The following DISP1 variants were observed in gnomAD, a reference collection of about 807,000 sequenced individuals.
The protein encoded by DISP1 is dispatched RND transporter family member 1.
A neutral mutation model predicts 37.3 loss-of-function variants in DISP1; 30 were observed. That is an observed-to-expected ratio of 0.80 (90% CI 0.60 to 1.09). The LOEUF (loss-of-function observed/expected upper bound fraction) is 1.09. Ranked by LOEUF, DISP1 falls within the 50% of genes least tolerant of loss-of-function variation. The probability of loss-of-function intolerance (pLI) is 0.00; values close to 1 mark genes in which losing one functional copy is unlikely to be tolerated. For synonymous variants in DISP1, 634 were observed against 690.2 expected, an observed-to-expected ratio of 0.92 and a Z score of 1.28; for missense variants, 1,598 against 1,879.5, an observed-to-expected ratio of 0.85 and a Z score of 2.77.
rs150397024 is a variant in DISP1 at position 222,945,425 on chromosome 1, A to T, written c.509+2093A>T. 4.0e-3 allele frequency among the ~76,000 whole-genome samples: 612 copies of T among 152,366 alleles called. 11 individuals carry two copies. The highest frequency in any genetic ancestry group is 0.017 in the East Asian group (88 of 5,194). On this transcript the variant is annotated intron_variant, in intron 3 of 8. Transcript: ENST00000675850. ...ATATTGATGTTTCAAATAATAAATT[A>T]TATGGTTGCAAAGTATGAAATAAGA...
At chr1:222,931,242 A>G (rs1673372349) in intron 2 of DISP1, among the ~76,000 whole-genome samples, 1 of 151,410 alleles carries the variant, frequency 6.6e-6, no homozygotes, top group Non-Finnish European at 1.5e-5. Flanking sequence ...TTGCCTAACA[A>G]TGTGTGGGAG....
chr1:222,942,306 G>C (rs1674444050), intron 2 of DISP1, among the ~76,000 whole-genome samples: 1 of 152,034 alleles, frequency 6.6e-6, no homozygotes, highest in Non-Finnish European at 1.5e-5. Flanking sequence ...ATATATTCTT[G>C]AGATTTTTCT....
chr1:222,882,869 A>C (rs755455421), intron 1 of DISP1, among the ~76,000 whole-genome samples: 12 of 152,180 alleles, frequency 7.9e-5, no homozygotes, highest in Non-Finnish European at 1.6e-4. Context: ...ACACTGAAAA[A>C]ATATTAAAAA....
Position 223,004,308 on chromosome 1 carries a change from C to T in DISP1, c.2911C>T (p.Leu971=), listed in dbSNP as rs773811407. 23 of 1,614,050 alleles carry T rather than the reference C, an allele frequency of 1.4e-5. No individual in the cohort carries two copies. The highest frequency in any genetic ancestry group is 5.9e-6 in the Non-Finnish European group (7 of 1,180,034). The change falls in exon 9 of 9, where the codon CTG becomes TTG. Residue 971 remains leucine, a synonymous_variant. Transcript: ENST00000675850. This position sits in a 1 kb window ranked among gnomAD's most constrained non-coding sequence, Gnocchi z 4.9. ...GLSNGWFVSN[L]EFYDLQDSLS... is the part of the protein sequence containing the mutation. ...CAGCAATGGTTGGTTTGTCAGCAAT[C>T]TGGAGTTCTATGACCTCCAGGATAG...
At chr1:222,859,343 G>A (rs573578180) in intron 1 of DISP1, among the ~76,000 whole-genome samples, 3 of 152,268 alleles carry the variant, frequency 2.0e-5, no homozygotes, top group East Asian at 1.9e-4. Flanking sequence ...AGGTGGAGTC[G>A]GGGGAGGGAG....
intron 3 of DISP1, among the ~76,000 whole-genome samples, chr1:222,964,613 T>C (rs972234268): frequency 7.2e-5 from 11 of 152,226 alleles, no homozygotes; most frequent in Non-Finnish European, 1.3e-4. Context: ...GGTCATAGGC[T>C]GCCCTGGTCA....
chr1:223,005,177 C>T lies in DISP1; in HGVS notation c.3780C>T (p.Thr1260=), dbSNP rs760006855. Residue 1260 remains threonine (T), a synonymous_variant, in exon 9 of 9, where the codon ACC becomes ACT. Coordinates refer to ENST00000675850, the MANE Select transcript of DISP1 (RefSeq NM_001377229.1). The stretch of plus-strand genomic sequence containing the variant: ...TACAGCCCCCTCTTGAACAGCATAC[C>T]GTGTGTCACTTCTTCTCTCTGAATC... ...ALLQPPLEQH[T]VCHFFSLNQR... 1.3e-5 allele frequency: 21 copies of T among 1,614,162 alleles called. No individual in the cohort carries two copies. Among genetic ancestry groups the T allele is most frequent in the South Asian group, 9.9e-5 (9 of 91,084 alleles).
intron 2 of DISP1, among the ~76,000 whole-genome samples, chr1:222,931,356 T>G (rs1009482532): frequency 3.3e-5 from 5 of 151,902 alleles, no homozygotes; most frequent in Admixed American, 2.6e-4. Context: ...ACATCCATGG[T>G]ATCTTTTAGA....
At chr1:222,916,850 CTGAAAGAG>C (rs1329775814) in intron 1 of DISP1, among the ~76,000 whole-genome samples, 1 of 152,084 alleles carries the variant, frequency 6.6e-6, no homozygotes, top group African/African-American at 2.4e-5. Context: ...TTGTTTCAGG[CTGAAAGAG>C]TGAGGGTTGT....
At chr1:222,918,525 A>G (rs1672619847) in intron 1 of DISP1, among the ~76,000 whole-genome samples, 3 of 152,134 alleles carry the variant, frequency 2.0e-5, no homozygotes, top group African/African-American at 7.2e-5. Context: ...ACCCTTCTCC[A>G]TGAAAGGAGA....
Position 222,942,978 on chromosome 1 carries a change from C to T in DISP1, c.155C>T (p.Pro52Leu), listed in dbSNP as rs372895287. ...PKEATRTKVS[P>L]NGCLQLNGTV... Reference sequence around the variant, plus strand: ...GAAGCAACAAGAACAAAAGTGAGTCCAAATGGATGCCTGCAACTTAATGGC... The same window carrying T: ...GAAGCAACAAGAACAAAAGTGAGTCTAAATGGATGCCTGCAACTTAATGGC... The change falls in exon 3 of 9, where the codon CCA (proline) becomes CTA (leucine). Residue 52 changes from proline (P) to leucine (L), a missense_variant. Transcript: ENST00000675850. The T allele has an allele frequency of 2.5e-6, 4 of 1,614,046 alleles. No individual in the cohort carries two copies. In the African/African-American group the frequency reaches 5.3e-5, roughly 22 times the overall value.
chr1:222,870,659 T>C (rs1472716034), intron 1 of DISP1, among the ~76,000 whole-genome samples: 2 of 152,212 alleles, frequency 1.3e-5, no homozygotes, highest in Non-Finnish European at 2.9e-5. Flanking sequence ...CTTGTAAATT[T>C]GTTTGAGTTC....
chr1:222,915,006 A>C (rs542911480), intron 1 of DISP1, among the ~76,000 whole-genome samples: 3 of 152,142 alleles, frequency 2.0e-5, no homozygotes, highest in Non-Finnish European at 4.4e-5. Context: ...AAGGGAAAAA[A>C]AGATCATAAT....
intron 1 of DISP1, among the ~76,000 whole-genome samples, chr1:222,922,687 C>T (rs1224046808): frequency 2.0e-5 from 3 of 151,968 alleles, no homozygotes. Context: ...TTGAAATGTC[C>T]TTAGAGAGTA....
intron 1 of DISP1, among the ~76,000 whole-genome samples, chr1:222,871,087 G>C (rs1669541250): frequency 6.6e-6 from 1 of 152,196 alleles, no homozygotes; most frequent in South Asian, 2.1e-4. Context: ...GTTTGTCAAA[G>C]ATCAGATAGT....
chr1:222,846,462 G>C (rs1194843376), intron 1 of DISP1, among the ~76,000 whole-genome samples: 1 of 152,142 alleles, frequency 6.6e-6, no homozygotes, highest in South Asian at 2.1e-4. Flanking sequence ...TTGCACTCCA[G>C]CCTGGGCAAC....
At chr1:222,897,311 G>T (rs987260729) in intron 1 of DISP1, among the ~76,000 whole-genome samples, 2 of 152,168 alleles carry the variant, frequency 1.3e-5, no homozygotes, top group Non-Finnish European at 2.9e-5. Flanking sequence ...CCTGTGATGG[G>T]ATATAGTGGG....
chr1:222,988,242 T>C (rs562166317), intron 4 of DISP1, among the ~76,000 whole-genome samples: 2 of 152,340 alleles, frequency 1.3e-5, no homozygotes, highest in African/African-American at 4.8e-5. Flanking sequence ...AGAAATTAAC[T>C]ATAAATAGGG....
chr1:223,001,076 C>T (rs1679410119), intron 8 of DISP1, among the ~76,000 whole-genome samples: 1 of 152,114 alleles, frequency 6.6e-6, no homozygotes, highest in Non-Finnish European at 1.5e-5. Context: ...AGAGGGGCTA[C>T]TCATCTAATT....
Sources: allele counts gnomAD v4.1 joint callset (sites outside exome capture counted in the v4.1 genomes callset), GRCh38; gene constraint gnomAD v4.1.1; non-coding constraint Gnocchi (gnomAD v3.1); transcripts MANE v1.5; gene names NCBI Gene and HGNC (gene_info 2026-07-23, HGNC 2026-07-21).